SAMD5: variants seen among roughly 807,000 people sequenced by gnomAD.
The protein encoded by SAMD5 is sterile alpha motif domain-containing protein 5.
A neutral mutation model predicts 11.3 loss-of-function variants in SAMD5; 13 were observed. The observed-to-expected ratio is 1.15, with a 90% confidence interval of 0.75 to 1.83. The LOEUF is 1.83. Among genes scored for constraint, SAMD5 ranks in the 40% most tolerant of loss-of-function variants. The probability of loss-of-function intolerance (pLI) is 0.00; values close to 1 mark genes in which losing one functional copy is unlikely to be tolerated. For missense variants in SAMD5, 255 were observed against 239.1 expected, an observed-to-expected ratio of 1.07 and a Z score of -0.44; for synonymous variants, 129 against 111.3, an observed-to-expected ratio of 1.16 and a Z score of -1.00.
the SAMD5 span, among the ~76,000 whole-genome samples, chr6:147,836,504 A>G: frequency 6.6e-6 from 1 of 152,178 alleles, no homozygotes; most frequent in Admixed American, 6.5e-5. Flanking sequence ...CAGAACACTT[A>G]CATTAGCCTA....
the SAMD5 span, among the ~76,000 whole-genome samples, chr6:147,847,488 C>G: frequency 6.6e-6 from 1 of 152,290 alleles, no homozygotes; most frequent in Non-Finnish European, 1.5e-5. Flanking sequence ...CATTTGGTGG[C>G]TAAAACAGAC....
At chr6:147,763,100 A>G in the SAMD5 span, among the ~76,000 whole-genome samples, 3 of 152,186 alleles carry the variant, frequency 2.0e-5, no homozygotes, top group African/African-American at 7.2e-5. Context: ...AGTGAAAATA[A>G]AGACAGATAC....
At chr6:147,903,624 C>T in the SAMD5 span, among the ~76,000 whole-genome samples, 1 of 152,198 alleles carries the variant, frequency 6.6e-6, no homozygotes, top group East Asian at 1.9e-4. Context: ...AAACTTCCAA[C>T]ATCAGCCGGG....
intron 1 of SAMD5, among the ~76,000 whole-genome samples, chr6:147,678,593 A>G (rs1413781887): frequency 6.6e-6 from 1 of 152,160 alleles, no homozygotes; most frequent in African/African-American, 2.4e-5. Flanking sequence ...GGGGGACCTC[A>G]TCTATACCTG....
chr6:147,806,337 T>C, the SAMD5 span, among the ~76,000 whole-genome samples: 1 of 150,158 alleles, frequency 6.7e-6, no homozygotes, highest in Non-Finnish European at 1.5e-5. Context: ...CACACACTCA[T>C]TGTGATGCAT....
chr6:147,680,446 G>A (rs1045781730), intron 1 of SAMD5, among the ~76,000 whole-genome samples: 39 of 152,128 alleles, frequency 2.6e-4, no homozygotes, highest in African/African-American at 8.9e-4. Flanking sequence ...ACACACCCAT[G>A]GACAGGTGGA....
intron 1 of SAMD5, among the ~76,000 whole-genome samples, chr6:147,705,956 C>T (rs1220619403): frequency 6.6e-6 from 1 of 152,016 alleles, no homozygotes; most frequent in South Asian, 2.1e-4. Context: ...GGATATAATC[C>T]CATCCAGAGA....
Position 147,565,795 on chromosome 6 carries a change from G to A in SAMD5, c.*1339G>A, listed in dbSNP as rs769581773. 8 of 985,190 alleles carry A rather than the reference G, an allele frequency of 8.1e-6. No homozygotes were observed. The highest frequency in any genetic ancestry group is 5.2e-5 in the African/African-American group (3 of 57,196). The allele number at this position is 985,190 out of a possible 1,614,324, so 61.0% of individuals were successfully genotyped here. A position where few individuals can be genotyped will look rare whatever the true frequency, so the allele number is the denominator to read the frequency against. On this transcript the variant is annotated 3_prime_UTR_variant, in exon 2 of 2. Coordinates refer to ENST00000367474, the MANE Select transcript of SAMD5 (RefSeq NM_001030060.3). The stretch of plus-strand genomic sequence containing the variant: ...TAGTTTTATTTTCTGCTTAGAAAAC[G>A]CAACCATGTTGATGGGACCAAAAAC...
chr6:147,899,437 T>C, the SAMD5 span, among the ~76,000 whole-genome samples: 2 of 152,184 alleles, frequency 1.3e-5, no homozygotes, highest in Non-Finnish European at 2.9e-5. Flanking sequence ...AGAATGTTTT[T>C]AGATTTTCAA....
At chr6:147,744,007 A>G in the SAMD5 span, among the ~76,000 whole-genome samples, 32 of 152,256 alleles carry the variant, frequency 2.1e-4, no homozygotes, top group African/African-American at 7.5e-4. Context: ...CTGTATATCA[A>G]GAAAGCAGAG....
At chr6:147,790,785 TCTC>T in the SAMD5 span, among the ~76,000 whole-genome samples, 805 of 112,116 alleles carry the variant, frequency 7.2e-3, 3 homozygotes, top group African/African-American at 0.024. Flanking sequence ...TCTCTCTCTC[TCTC>T]TCTCTCTCTC....
the SAMD5 span, among the ~76,000 whole-genome samples, chr6:147,907,101 C>T: frequency 6.6e-6 from 1 of 152,188 alleles, no homozygotes; most frequent in South Asian, 2.1e-4. Flanking sequence ...AGAGGGCCTC[C>T]TCTGAAGCTT....
intron 1 of SAMD5, among the ~76,000 whole-genome samples, chr6:147,525,357 C>T (rs1487559472): frequency 6.8e-6 from 1 of 146,690 alleles, no homozygotes; most frequent in East Asian, 2.0e-4. Flanking sequence ...CCCCTGAAGA[C>T]GTGTGTTGGA....
intron 1 of SAMD5, among the ~76,000 whole-genome samples, chr6:147,520,768 T>C (rs1167453584): frequency 6.6e-6 from 1 of 152,148 alleles, no homozygotes; most frequent in African/African-American, 2.4e-5. Flanking sequence ...GTGTATATAT[T>C]TTTGGTGTGC....
chr6:147,509,405 G>C lies in SAMD5; in HGVS notation c.459+18G>C. On this transcript the variant is annotated intron_variant, in intron 1 of 1. Coordinates refer to ENST00000367474, the MANE Select transcript of SAMD5 (RefSeq NM_001030060.3). ...CCCGCAAGGTAAGGAGGTGCCGTCC[G>C]GGCGGCCCGGGGCGCGCGGCGGGAG... is the stretch of plus-strand genomic sequence containing the variant. The C allele has an allele frequency of 6.7e-7, 1 of 1,499,222 alleles. No homozygotes were observed. Among genetic ancestry groups the C allele is most frequent in the Non-Finnish European group, 8.9e-7 (1 of 1,124,178 alleles). 92.9% of individuals were successfully genotyped at this position (1,499,222 alleles called of 1,614,324 possible).
At position 147,675,832 on chromosome 6, in the gene SAMD5, C is replaced by T. The variant is rs550947916; in HGVS notation, c.163-61485C>T. ...CTGTTAATGCAGAGCTGCAGCAAAT[C>T]ACTGAAGTTCAAGGGTAATGAAACT... On this transcript the variant is annotated intron_variant, in intron 1 of 1. Transcript: ENST00000566741. Among the ~76,000 whole-genome samples the T allele has an allele frequency of 1.7e-4, 26 of 152,278 alleles. 1 individual carries two copies. The South Asian group carries it at 5.0e-3, about 29-fold the overall frequency.
intron 1 of SAMD5, among the ~76,000 whole-genome samples, chr6:147,539,823 T>C (rs1214197861): frequency 6.6e-6 from 1 of 152,164 alleles, no homozygotes; most frequent in Admixed American, 6.5e-5. Context: ...ATAGTTTGTT[T>C]ATCCACTTTT....
intron 1 of SAMD5, among the ~76,000 whole-genome samples, chr6:147,633,358 G>A (rs2128451525): frequency 6.6e-6 from 1 of 152,188 alleles, no homozygotes; most frequent in Middle Eastern, 3.4e-3. Flanking sequence ...CTGACCCGAG[G>A]GCTCTTTTGG....
At chr6:147,872,073 T>A in the SAMD5 span, among the ~76,000 whole-genome samples, 1 of 152,210 alleles carries the variant, frequency 6.6e-6, no homozygotes, top group African/African-American at 2.4e-5. Context: ...TTATTCTGAT[T>A]CATAAACACA....
Sources: allele counts gnomAD v4.1 joint callset (sites outside exome capture counted in the v4.1 genomes callset), GRCh38; gene constraint gnomAD v4.1.1; transcripts MANE v1.5; gene names NCBI Gene and HGNC (gene_info 2026-07-23, HGNC 2026-07-21).